ADARB2: variants seen among roughly 807,000 people sequenced by gnomAD.
ADARB2 encodes the protein inactive double-stranded RNA-specific editase B2.
In ADARB2, 25 loss-of-function variants were observed where a neutral mutation model predicts 62.2. The ratio of observed to expected loss-of-function variants is 0.40; its 90% CI spans 0.29 to 0.56. ADARB2 has a LOEUF of 0.56. Among genes scored for constraint, ADARB2 ranks in the 20% least tolerant of loss-of-function variants. ADARB2 has a pLI of 0.43. For missense variants in ADARB2, 1,071 were observed against 1,077.4 expected (o/e 0.99, Z 0.08); for synonymous variants, 572 against 500.8 (o/e 1.14, Z -1.90).
chr10:1,527,675 G>A (rs1033558445), intron 1 of ADARB2, among the ~76,000 whole-genome samples: 1 of 152,174 alleles, frequency 6.6e-6, no homozygotes. Flanking sequence ...AATATTGTGA[G>A]ATGCTATTTG....
At chr10:1,298,535 GAGA>G (rs1467363451) in intron 3 of ADARB2, among the ~76,000 whole-genome samples, 1 of 152,124 alleles carries the variant, frequency 6.6e-6, no homozygotes, top group African/African-American at 2.4e-5. Flanking sequence ...AGGGAGCCCA[GAGA>G]AGACTTCATA....
intron 1 of ADARB2, among the ~76,000 whole-genome samples, chr10:1,714,948 C>T (rs1336974845): frequency 2.6e-5 from 4 of 151,962 alleles, no homozygotes; most frequent in African/African-American, 9.7e-5. Flanking sequence ...GTGTGCTGCA[C>T]CCATTAACTG....
At chr10:1,652,417 C>T (rs1384428261) in intron 1 of ADARB2, among the ~76,000 whole-genome samples, 1 of 152,188 alleles carries the variant, frequency 6.6e-6, no homozygotes, top group Non-Finnish European at 1.5e-5. Flanking sequence ...GCCATCTGTG[C>T]TCCTCCCGGG....
Position 1,638,189 on chromosome 10 carries a change from T to C in ADARB2, c.100+98862A>G, listed in dbSNP as rs535655221. ...CAACTTTTAATCATTCCAGGAGAGA[T>C]GGAGGACAGATGCAGATATTACACT... On this transcript the variant is annotated intron_variant, in intron 1 of 9. Coordinates refer to ENST00000381312, the MANE Select transcript of ADARB2 (RefSeq NM_018702.4). Among the ~76,000 whole-genome samples, 6 of 152,318 alleles carry C rather than the reference T, an allele frequency of 3.9e-5. No individual in the cohort carries two copies. The East Asian group carries it at 9.6e-4, about 24-fold the overall frequency.
At chr10:1,424,387 T>G (rs1832877807) in intron 1 of ADARB2, among the ~76,000 whole-genome samples, 1 of 152,172 alleles carries the variant, frequency 6.6e-6, no homozygotes, top group Admixed American at 6.5e-5. Context: ...GAGAACCATG[T>G]CAGAGCCGTG....
chr10:1,366,304 C>T (rs181279892), intron 2 of ADARB2, among the ~76,000 whole-genome samples: 6 of 152,374 alleles, frequency 3.9e-5, no homozygotes, highest in Non-Finnish European at 8.8e-5. Flanking sequence ...GACTGACCAT[C>T]CTGGACCACT....
At chr10:1,682,231 C>T (rs543860013) in intron 1 of ADARB2, among the ~76,000 whole-genome samples, 30 of 152,276 alleles carry the variant, frequency 2.0e-4, no homozygotes, top group African/African-American at 7.2e-4. Flanking sequence ...GTCGAAGACC[C>T]AGAGGCCTCA....
chr10:1,437,445 G>A (rs896656307), intron 1 of ADARB2, among the ~76,000 whole-genome samples: 1 of 152,122 alleles, frequency 6.6e-6, no homozygotes, highest in Non-Finnish European at 1.5e-5. Context: ...AGACTAAGAA[G>A]CGACTCCAGC....
In ADARB2 at chr10:1,737,036, C is replaced by T; in HGVS notation, c.100+15G>A. ...GTGAAGGGGGGCAGGGGCCGGCGCGCCACGCGGTCCTTACCTTTCCGCTTG... is the reference window on the plus strand; with the variant it reads ...GTGAAGGGGGGCAGGGGCCGGCGCGTCACGCGGTCCTTACCTTTCCGCTTG... On this transcript the variant is annotated intron_variant, in intron 1 of 9. Coordinates refer to ENST00000381312, the MANE Select transcript of ADARB2 (RefSeq NM_018702.4). The T allele has an allele frequency of 1.9e-6, 3 of 1,608,898 alleles. No individual in the cohort carries two copies.
rs75780695 is a variant in ADARB2, at chr10:1,322,548, G to A, written c.1077+40480C>T. 7.4e-3 allele frequency among the ~76,000 whole-genome samples: 1,133 copies of A among 152,226 alleles called. 20 individuals carry two copies. Among genetic ancestry groups the A allele is most frequent in the African/African-American group, 0.025 (1,038 of 41,526 alleles). ...AGATGATACCTATGAGGCTAATATT[G>A]AGGAAGGAGAATACAATATTAACAA... On this transcript the variant is annotated intron_variant, in intron 3 of 9. Coordinates refer to ENST00000381312, the MANE Select transcript of ADARB2 (RefSeq NM_018702.4).
At chr10:1,574,566 G>A (rs10794761) in intron 1 of ADARB2, among the ~76,000 whole-genome samples, 63 of 151,734 alleles carry the variant, frequency 4.2e-4, no homozygotes, top group Non-Finnish European at 8.8e-5. Context: ...TCAAGGTGTC[G>A]GCAGGGCTGG....
chr10:1,665,581 C>T (rs1834306182), intron 1 of ADARB2, among the ~76,000 whole-genome samples: 1 of 152,264 alleles, frequency 6.6e-6, no homozygotes, highest in Non-Finnish European at 1.5e-5. Context: ...GGGGTCCAGC[C>T]CAGGGCTGTG....
At chr10:1,395,556 G>C (rs1035084508) in intron 1 of ADARB2, among the ~76,000 whole-genome samples, 1 of 152,206 alleles carries the variant, frequency 6.6e-6, no homozygotes, top group African/African-American at 2.4e-5. Context: ...TCCCCAGCGG[G>C]GCGTCTGCTC....
At chr10:1,647,936 C>T (rs1834066966) in intron 1 of ADARB2, among the ~76,000 whole-genome samples, 1 of 151,810 alleles carries the variant, frequency 6.6e-6, no homozygotes, top group Non-Finnish European at 1.5e-5. Context: ...TAGGGTATAT[C>T]TCGAACTGGA....
chr10:1,268,198 A>G (rs1831224674), intron 4 of ADARB2, among the ~76,000 whole-genome samples: 1 of 152,242 alleles, frequency 6.6e-6, no homozygotes, highest in Admixed American at 6.5e-5. Flanking sequence ...AGAAATATAG[A>G]AGTATGTAGT....
intron 1 of ADARB2, among the ~76,000 whole-genome samples, chr10:1,569,235 A>AAGGTGGTG: frequency 6.6e-6 from 1 of 151,962 alleles, no homozygotes; most frequent in African/African-American, 2.4e-5. Context: ...ACCAAAAGAG[A>AAGGTGGTG]AGGTGGTGGC....
chr10:1,616,682 A>ATCCTG (rs1833639535), intron 1 of ADARB2, among the ~76,000 whole-genome samples: 1 of 143,854 alleles, frequency 7.0e-6, no homozygotes. Flanking sequence ...TGAGCTCTGC[A>ATCCTG]TCCTGGGAAC....
At chr10:1,521,967 C>A (rs1391127655) in intron 1 of ADARB2, among the ~76,000 whole-genome samples, 2 of 152,196 alleles carry the variant, frequency 1.3e-5, no homozygotes, top group Non-Finnish European at 1.5e-5. Flanking sequence ...TGGGCCGGGT[C>A]ACCCATATTT....
chr10:1,414,375 A>G (rs1444461841), intron 1 of ADARB2, among the ~76,000 whole-genome samples: 1 of 152,136 alleles, frequency 6.6e-6, no homozygotes, highest in Non-Finnish European at 1.5e-5. Context: ...GTGGAAGGCT[A>G]CCCTGACGTA....
Sources: allele counts gnomAD v4.1 joint callset (sites outside exome capture counted in the v4.1 genomes callset), GRCh38; gene constraint gnomAD v4.1.1; transcripts MANE v1.5; gene names NCBI Gene and HGNC (gene_info 2026-07-23, HGNC 2026-07-21).